Variants in GSE1 observed in about 807,000 individuals in gnomAD.
GSE1 encodes the protein genetic suppressor element 1.
In GSE1, 32 loss-of-function variants were observed where a neutral mutation model predicts 112.6. The observed-to-expected ratio is 0.28, with a 90% confidence interval of 0.21 to 0.38. GSE1 has a LOEUF of 0.38. GSE1 is among the 10% of genes least tolerant of loss of function. The pLI is 1.00. For synonymous variants in GSE1, 1,115 were observed against 735.6 expected, an observed-to-expected ratio of 1.52 and a Z score of -8.35; for missense variants, 2,348 against 1,699.2, an observed-to-expected ratio of 1.38 and a Z score of -6.71.
At chr16:85,623,778 C>T (rs978580746) in intron 1 of GSE1, among the ~76,000 whole-genome samples, 4 of 152,216 alleles carry the variant, frequency 2.6e-5, no homozygotes, top group African/African-American at 9.7e-5. Context: ...GACCCCTCTT[C>T]GAAGGCCAGG....
chr16:85,665,940 A>T, intron 12 of GSE1, 36 bp from the exon 13 acceptor site: 5 of 1,607,348 alleles, frequency 3.1e-6, no homozygotes, highest in Non-Finnish European at 4.3e-6. Flanking sequence ...GTTAACTTGC[A>T]TTTCTTAATA....
intron 15 of GSE1, 169 bp from the exon 16 acceptor site, chr16:85,672,236 C>G (rs1406946018): frequency 1.6e-6 from 1 of 606,508 alleles, no homozygotes; most frequent in South Asian, 1.8e-5. Context: ...GACAGGTGAT[C>G]TGCCCGCCTC....
At chr16:85,399,101 TGTG>T (rs2048032611) in intron 2 of GSE1, among the ~76,000 whole-genome samples, 1 of 152,082 alleles carries the variant, frequency 6.6e-6, no homozygotes, top group Non-Finnish European at 1.5e-5. Flanking sequence ...GGTGTGTACA[TGTG>T]TGTGTGAGGA....
chr16:85,176,412 C>T (rs1489469785), intron 1 of GSE1, among the ~76,000 whole-genome samples: 2 of 152,272 alleles, frequency 1.3e-5, no homozygotes, highest in African/African-American at 4.8e-5. Flanking sequence ...CCCCACTTGG[C>T]TGCCTTGGCT....
At chr16:85,263,029 G>T (rs1227198415) in intron 1 of GSE1, among the ~76,000 whole-genome samples, 1 of 152,222 alleles carries the variant, frequency 6.6e-6, no homozygotes, top group Non-Finnish European at 1.5e-5. Context: ...ATAACACACG[G>T]ATCCCACAGA....
At chr16:85,276,460 C>T (rs1405529989) in intron 1 of GSE1, among the ~76,000 whole-genome samples, 2 of 152,224 alleles carry the variant, frequency 1.3e-5, no homozygotes, top group Non-Finnish European at 2.9e-5. Context: ...GTGTACACTG[C>T]CTGCTGCCCC....
In GSE1 at chr16:85,635,210, G is replaced by C. The variant is rs142508962; in HGVS notation, c.226+1078G>C. ...GCTGCTGCTCGTTGGAGAATGGGGG[G>C]AGTGTGAGAGGACACACCTGACATT... On this transcript the variant is annotated intron_variant, in intron 2 of 15. Coordinates refer to ENST00000253458, the MANE Select transcript of GSE1 (RefSeq NM_014615.5). 3.0e-4 allele frequency among the ~76,000 whole-genome samples: 46 copies of C among 152,268 alleles called. No homozygotes were observed. In the East Asian group the frequency reaches 6.4e-3, roughly 21 times the overall value.
At chr16:85,328,737 C>T (rs553242390) in intron 1 of GSE1, among the ~76,000 whole-genome samples, 1 of 152,310 alleles carries the variant, frequency 6.6e-6, no homozygotes, top group East Asian at 1.9e-4. Flanking sequence ...GTCCGTGCCC[C>T]TGCCGGGTCC....
At chr16:85,267,254 T>C (rs1448420160) in intron 1 of GSE1, among the ~76,000 whole-genome samples, 2 of 152,050 alleles carry the variant, frequency 1.3e-5, no homozygotes, top group Admixed American at 6.5e-5. Flanking sequence ...GCCCAGGAAG[T>C]GGGGGTGGCA....
chr16:85,473,531 G>A (rs1250122950), intron 2 of GSE1, among the ~76,000 whole-genome samples: 1 of 152,180 alleles, frequency 6.6e-6, no homozygotes, highest in African/African-American at 2.4e-5. Context: ...GCCTCTGCCG[G>A]CTCCCCCTGG....
At chr16:85,429,343 T>C (rs1279620099) in intron 2 of GSE1, among the ~76,000 whole-genome samples, 1 of 152,238 alleles carries the variant, frequency 6.6e-6, no homozygotes, top group African/African-American at 2.4e-5. Context: ...CCGCAGGGTC[T>C]TCTGTCTGGG....
At chr16:85,286,980 G>A (rs571456901) in intron 1 of GSE1, among the ~76,000 whole-genome samples, 160 of 152,324 alleles carry the variant, frequency 1.1e-3, no homozygotes, top group African/African-American at 3.4e-3. Flanking sequence ...GTCGGGGGCC[G>A]CGGGCTCCAG....
At chr16:85,271,191 A>G (rs2144180840) in intron 1 of GSE1, among the ~76,000 whole-genome samples, 1 of 152,090 alleles carries the variant, frequency 6.6e-6, no homozygotes, top group South Asian at 2.1e-4. Flanking sequence ...CTGTAGGTGG[A>G]CCACGGAAGC....
chr16:85,530,133 G>A (rs1194016000), intron 2 of GSE1, among the ~76,000 whole-genome samples: 3 of 152,202 alleles, frequency 2.0e-5, no homozygotes, highest in African/African-American at 2.4e-5. Flanking sequence ...AGCGCCTGCC[G>A]TCCTGCCTCC....
chr16:85,302,787 G>C (rs2045563739), intron 1 of GSE1, among the ~76,000 whole-genome samples: 1 of 152,152 alleles, frequency 6.6e-6, no homozygotes, highest in South Asian at 2.1e-4. Flanking sequence ...CTTGGCCTTG[G>C]CCTTGTCGAG....
At chr16:85,601,005 T>TG (rs10711857) in intron 1 of GSE1, among the ~76,000 whole-genome samples, 9 of 151,080 alleles carry the variant, frequency 6.0e-5, no homozygotes, top group Admixed American at 5.3e-4. Flanking sequence ...CTTCCACCAG[T>TG]GGGGGGGTTA....
At chr16:85,354,526 G>A (rs1049197490) in intron 1 of GSE1, among the ~76,000 whole-genome samples, 3 of 152,296 alleles carry the variant, frequency 2.0e-5, no homozygotes, top group South Asian at 2.1e-4. Context: ...TCACAGTCCC[G>A]CTTCCGGGAG....
intron 1 of GSE1, among the ~76,000 whole-genome samples, chr16:85,600,699 T>G (rs1345301195): frequency 6.6e-6 from 1 of 151,990 alleles, no homozygotes; most frequent in African/African-American, 2.4e-5. Flanking sequence ...GCATCGCAGA[T>G]GTAGGGACTC....
chr16:85,269,482 T>A (rs930077963), intron 1 of GSE1, among the ~76,000 whole-genome samples: 2 of 149,176 alleles, frequency 1.3e-5, no homozygotes, highest in Admixed American at 6.7e-5. Flanking sequence ...GTTCTCACCC[T>A]TGTGTTCTAC....
Sources: gnomAD v4.1 joint callset for allele counts (sites outside exome capture counted in the v4.1 genomes callset) on GRCh38, gnomAD v4.1.1 for gene constraint, MANE v1.5 for transcripts, NCBI Gene and HGNC (gene_info 2026-07-23, HGNC 2026-07-21) for gene names.